Variants in VAPB observed in about 807,000 individuals in gnomAD.
VAPB encodes VAMP associated protein B and C.
A neutral mutation model predicts 25.6 loss-of-function variants in VAPB; 7 were observed. The ratio of observed to expected loss-of-function variants is 0.27; its 90% CI spans 0.16 to 0.51. VAPB has a LOEUF of 0.51. VAPB is among the 20% of genes least tolerant of loss of function. The pLI, the probability that VAPB is intolerant of heterozygous loss-of-function variation, is 0.97. For synonymous variants in VAPB, 112 were observed against 109.2 expected (o/e 1.03, Z -0.16); for missense variants, 266 against 301.3 (o/e 0.88, Z 0.87).
rs552819618 is a variant in VAPB at position 58,396,418 on chromosome 20, T to C, written c.58+6901T>C. 3.5e-4 allele frequency among the ~76,000 whole-genome samples: 53 copies of C among 152,360 alleles called. 1 individual carries two copies. The South Asian group carries it at 0.01, about 30-fold the overall frequency. On this transcript the variant is annotated intron_variant, in intron 1 of 5. Transcript: ENST00000475243. ...GTGGAGACTAGGGCAATAAATGTTT[T>C]AGGGGTAGATTGAGACTGCAGTGTT...
chr20:58,447,658 GTGTGCA>G lies in VAPB; in HGVS notation c.*3428_*3433del, dbSNP rs753875277. The G allele has an allele frequency of 5.8e-3, 35 of 6,026 alleles. No homozygotes were observed. Among genetic ancestry groups the G allele is most frequent in the Non-Finnish European group, 0.017 (27 of 1,580 alleles). The allele number at this position is 6,026 out of a possible 1,614,324, so 0.4% of individuals were successfully genotyped here. A position where few individuals can be genotyped will look rare whatever the true frequency, so the allele number is the denominator to read the frequency against. Reference sequence around the variant, plus strand: ...GAATTTGAAAACAGACTCTGTGTGTGTGTGCATGTGTGCATGTGTGCATGTGTGGCA... The same window carrying G: ...GAATTTGAAAACAGACTCTGTGTGTGTGTGTGCATGTGTGCATGTGTGGCA... On this transcript the variant is annotated 3_prime_UTR_variant, in exon 6 of 6. Coordinates refer to ENST00000475243, the MANE Select transcript of VAPB (RefSeq NM_004738.5).
In VAPB at chr20:58,450,506, C is replaced by T. The variant is rs1297494632; in HGVS notation, c.*6271C>T. The T allele has an allele frequency of 4.4e-6, 2 of 453,246 alleles. No individual in the cohort carries two copies. Among genetic ancestry groups the T allele is most frequent in the Non-Finnish European group, 8.8e-6 (2 of 226,666 alleles). The allele number at this position is 453,246 out of a possible 1,614,324, so 28.1% of individuals were successfully genotyped here. A position where few individuals can be genotyped will look rare whatever the true frequency, so the allele number is the denominator to read the frequency against. On this transcript the variant is annotated 3_prime_UTR_variant, in exon 6 of 6. Coordinates refer to ENST00000475243, the MANE Select transcript of VAPB (RefSeq NM_004738.5). ...GTTCTCATTTCTGTTGCTGTCGTTT[C>T]CTTTTTAAAGACGATTTATCAACTG...
At position 58,446,474 on chromosome 20, in the gene VAPB, A is replaced by C. The variant is rs1389306893; in HGVS notation, c.*2239A>C. On this transcript the variant is annotated 3_prime_UTR_variant, in exon 6 of 6. Coordinates refer to ENST00000475243, the MANE Select transcript of VAPB (RefSeq NM_004738.5). ...AGGATATGGCCGTGTGTTTTGATAA[A>C]ACTTTATTCACAAAAACAGCCGGGT... The C allele has an allele frequency of 2.2e-6, 1 of 454,084 alleles. No individual in the cohort carries two copies. Among genetic ancestry groups the C allele is most frequent in the Non-Finnish European group, 4.4e-6 (1 of 226,778 alleles). 28.1% of individuals were successfully genotyped at this position (454,084 alleles called of 1,614,324 possible). A position where few individuals can be genotyped will look rare whatever the true frequency, so the allele number is the denominator to read the frequency against.
intron 1 of VAPB, chr20:58,390,113 C>T (rs1260739267): frequency 6.6e-6 from 1 of 152,298 alleles, no homozygotes; most frequent in Non-Finnish European, 1.5e-5. Flanking sequence ...AAATAAATAC[C>T]TGTTGAACCA....
intron 1 of VAPB, among the ~76,000 whole-genome samples, chr20:58,396,168 T>C (rs1987954809): frequency 6.6e-6 from 1 of 152,190 alleles, no homozygotes; most frequent in African/African-American, 2.4e-5. Flanking sequence ...CAGAAATGCT[T>C]TCTTGGAGTT....
intron 1 of VAPB, among the ~76,000 whole-genome samples, chr20:58,403,719 T>C (rs890653995): frequency 5.3e-5 from 8 of 152,250 alleles, no homozygotes; most frequent in African/African-American, 1.9e-4. Flanking sequence ...CACAGAAAAC[T>C]TCCAAATCTC....
rs1989251944 is a variant in VAPB at position 58,445,024 on chromosome 20, G to T, written c.*789G>T. The T allele has an allele frequency of 2.2e-6, 1 of 454,814 alleles. No homozygotes were observed. The highest frequency in any genetic ancestry group is 4.4e-6 in the Non-Finnish European group (1 of 226,804). 28.2% of individuals were successfully genotyped at this position (454,814 alleles called of 1,614,324 possible). A position where few individuals can be genotyped will look rare whatever the true frequency, so the allele number is the denominator to read the frequency against. On this transcript the variant is annotated 3_prime_UTR_variant, in exon 6 of 6. Coordinates refer to ENST00000475243, the MANE Select transcript of VAPB (RefSeq NM_004738.5). ...TTAATGCTGCGTGCTGCTGAACTCT[G>T]TTGGGTGAACTGGTATTGCTGCTGG...
chr20:58,416,922 A>G (rs372303247), intron 1 of VAPB, among the ~76,000 whole-genome samples: 8 of 152,330 alleles, frequency 5.3e-5, no homozygotes, highest in South Asian at 2.1e-4. Flanking sequence ...GGCTACAGAG[A>G]TGGATAAGGT....
In VAPB at chr20:58,444,089, C is replaced by T; in HGVS notation, c.586C>T (p.Leu196=). Residue 196 remains leucine, a synonymous_variant, in exon 6 of 6, where the codon CTG becomes TTG. Transcript: ENST00000475243. Reference sequence around the variant, plus strand: ...TTTGCTCCCGTAGGAAGAAGATGGACTGCGGATGAGGAAGACAGTGCAGAG... The same window carrying T: ...TTTGCTCCCGTAGGAAGAAGATGGATTGCGGATGAGGAAGACAGTGCAGAG... ...ENKQFKEEDG[L]RMRKTVQSNS... 6.2e-7 allele frequency: 1 copy of T among 1,614,214 alleles called. No individual in the cohort carries two copies. Among genetic ancestry groups the T allele is most frequent in the Non-Finnish European group, 8.5e-7 (1 of 1,180,038 alleles).
At position 58,450,194 on chromosome 20, in the gene VAPB, CCT is replaced by C. The variant is rs1412968360; in HGVS notation, c.*5962_*5963del. 1 of 453,996 alleles carries C rather than the reference CCT, an allele frequency of 2.2e-6. No individual in the cohort carries two copies. Among genetic ancestry groups the C allele is most frequent in the South Asian group, 1.6e-5 (1 of 64,474 alleles). The allele number at this position is 453,996 out of a possible 1,614,324, so 28.1% of individuals were successfully genotyped here. Reference sequence around the variant, plus strand: ...AAATAGACTGAATTCAGCTGTTAATCCTCTAGTACAGTATCCATGTTAAAATG... The same window carrying C: ...AAATAGACTGAATTCAGCTGTTAATCCTAGTACAGTATCCATGTTAAAATG... On this transcript the variant is annotated 3_prime_UTR_variant, in exon 6 of 6. Coordinates refer to ENST00000475243, the MANE Select transcript of VAPB (RefSeq NM_004738.5).
At chr20:58,439,088 T>C in intron 4 of VAPB, 63 bp downstream of exon 4, 13 of 1,469,096 alleles carry the variant, frequency 8.8e-6, no homozygotes, top group Non-Finnish European at 1.2e-5. Flanking sequence ...TGCATACCAT[T>C]TCCTGCAAAA....
At chr20:58,425,237 G>A (rs562189570) in intron 2 of VAPB, among the ~76,000 whole-genome samples, 33 of 152,276 alleles carry the variant, frequency 2.2e-4, no homozygotes, top group Non-Finnish European at 3.8e-4. Flanking sequence ...GTGAGAGGAC[G>A]GGGAGTGCGA....
rs981985014 is a variant in VAPB, at chr20:58,448,530, G to A, written c.*4295G>A. ...AATAAAGGCTCCAGGAGGTTAAATC[G>A]GGCAACTTTTTAGAACTAAATCAGT... On this transcript the variant is annotated 3_prime_UTR_variant, in exon 6 of 6. Transcript: ENST00000475243. 1.8e-5 allele frequency: 8 copies of A among 453,836 alleles called. No homozygotes were observed. The East Asian group carries it at 4.9e-4, about 28-fold the overall frequency. 28.1% of individuals were successfully genotyped at this position (453,836 alleles called of 1,614,324 possible).
rs1452198817 is a variant in VAPB at position 58,445,523 on chromosome 20, AAAATT to A, written c.*1290_*1294del. On this transcript the variant is annotated 3_prime_UTR_variant, in exon 6 of 6. Coordinates refer to ENST00000475243, the MANE Select transcript of VAPB (RefSeq NM_004738.5). ...TTGACTATGTAGCATCTTGAAAAGA[AAAATT>A]ATAATAAAGCCCCAAAATTAAGAAT... The A allele has an allele frequency of 6.6e-6, 3 of 454,354 alleles. No homozygotes were observed. Among genetic ancestry groups the A allele is most frequent in the Non-Finnish European group, 1.3e-5 (3 of 226,778 alleles). 28.1% of individuals were successfully genotyped at this position (454,354 alleles called of 1,614,324 possible).
rs1374567510 is a variant in VAPB at position 58,391,394 on chromosome 20, GGT to G, written c.58+1880_58+1881del. Among the ~76,000 whole-genome samples, 7 of 149,650 alleles carry G rather than the reference GGT, an allele frequency of 4.7e-5. No homozygotes were observed. In the East Asian group the frequency reaches 1.4e-3, roughly 29 times the overall value. On this transcript the variant is annotated intron_variant, in intron 1 of 5. Coordinates refer to ENST00000475243, the MANE Select transcript of VAPB (RefSeq NM_004738.5). The stretch of plus-strand genomic sequence containing the variant: ...ATTGAGGAGGTCAACTCCTGAAAGA[GGT>G]GTCATTTGAGCTCAGTTATAAAGGT...
At chr20:58,436,992 CT>C (rs34944837) in intron 3 of VAPB, among the ~76,000 whole-genome samples, 952 of 77,390 alleles carry the variant, frequency 0.012, 6 homozygotes, top group African/African-American at 0.044. Flanking sequence ...AAACTTTGAA[CT>C]TTTTTTTTTT....
At chr20:58,439,807 A>G (rs766865656) in intron 4 of VAPB, 1 of 152,208 alleles carries the variant, frequency 6.6e-6, no homozygotes, top group Non-Finnish European at 1.5e-5. Context: ...AGTTGAAGAA[A>G]GGAGACTGTA....
chr20:58,435,644 G>A (rs116833231), intron 3 of VAPB, among the ~76,000 whole-genome samples: 2 of 152,180 alleles, frequency 1.3e-5, no homozygotes, highest in African/African-American at 4.8e-5. Flanking sequence ...TCACCACATA[G>A]CCTTTTGTTT....
chr20:58,410,407 GTATTTATT>G (rs144731530), intron 1 of VAPB, among the ~76,000 whole-genome samples: 2 of 151,710 alleles, frequency 1.3e-5, no homozygotes, highest in African/African-American at 2.4e-5. Context: ...TATCAACACC[GTATTTATT>G]TATTTATTTA....
Sources: gnomAD v4.1 joint callset for allele counts (sites outside exome capture counted in the v4.1 genomes callset) on GRCh38, gnomAD v4.1.1 for gene constraint, MANE v1.5 for transcripts, NCBI Gene and HGNC (gene_info 2026-07-23, HGNC 2026-07-21) for gene names.